Variants in GFOD1 observed in about 807,000 individuals in gnomAD.
GFOD1 encodes glucose-fructose oxidoreductase domain-containing protein 1.
GFOD1 carries 9 observed loss-of-function variants against 25.4 expected under a neutral mutation model. The observed-to-expected ratio is 0.35, with a 90% CI of 0.21 to 0.62. The LOEUF (loss-of-function observed/expected upper bound fraction) is 0.62, where lower values mean the gene tolerates loss of function less well. GFOD1 is among the 20% of genes least tolerant of loss of function. GFOD1 has a pLI of 0.72. For missense variants in GFOD1, 403 were observed against 556.9 expected, an observed-to-expected ratio of 0.72 and a Z score of 2.78; for synonymous variants, 253 against 245.6, an observed-to-expected ratio of 1.03 and a Z score of -0.28.
At chr6:13,377,686 C>T (rs934913125) in intron 1 of GFOD1, among the ~76,000 whole-genome samples, 2 of 152,168 alleles carry the variant, frequency 1.3e-5, no homozygotes, top group Non-Finnish European at 2.9e-5. Context: ...AGAAGTAACA[C>T]CAAGTGGCAA....
At chr6:13,378,236 C>A (rs997483138) in intron 1 of GFOD1, among the ~76,000 whole-genome samples, 16 of 152,160 alleles carry the variant, frequency 1.1e-4, no homozygotes, top group Admixed American at 6.5e-4. Flanking sequence ...GGTCCCAAAG[C>A]CCCGTGTTTT....
intron 1 of GFOD1, among the ~76,000 whole-genome samples, chr6:13,428,568 G>A (rs547872311): frequency 1.3e-5 from 2 of 152,236 alleles, no homozygotes; most frequent in East Asian, 3.9e-4. Context: ...ATTAAAGGCC[G>A]CTGCAAGAAC....
chr6:13,390,803 G>GGAAGGAAGGAAGGAAGGAA (rs1785585909), intron 1 of GFOD1, among the ~76,000 whole-genome samples: 1 of 150,900 alleles, frequency 6.6e-6, no homozygotes, highest in Non-Finnish European at 1.5e-5. Flanking sequence ...AAGGAAGGAA[G>GGAAGGAAGGAAGGAAGGAA]GAAGGAAGGA....
At chr6:13,464,311 A>G (rs1758342978) in intron 1 of GFOD1, among the ~76,000 whole-genome samples, 1 of 152,210 alleles carries the variant, frequency 6.6e-6, no homozygotes, top group Non-Finnish European at 1.5e-5. Flanking sequence ...TAAGGGCAGA[A>G]GGCAGTGGGC....
chr6:13,424,017 C>G (rs1199667569), intron 1 of GFOD1, among the ~76,000 whole-genome samples: 1 of 152,064 alleles, frequency 6.6e-6, no homozygotes, highest in Non-Finnish European at 1.5e-5. Context: ...TGCCATCATG[C>G]CTGGCTAATT....
chr6:13,374,268 T>TG (rs1246849966), intron 1 of GFOD1, among the ~76,000 whole-genome samples: 39,294 of 119,310 alleles, frequency 0.33, 6,409 homozygotes, highest in Admixed American at 0.46. Flanking sequence ...AAATATGTTT[T>TG]TTTTTTGTGT....
At chr6:13,396,599 G>C (rs1785738038) in intron 1 of GFOD1, among the ~76,000 whole-genome samples, 1 of 152,210 alleles carries the variant, frequency 6.6e-6, no homozygotes, top group African/African-American at 2.4e-5. Flanking sequence ...TAAGGATCAT[G>C]AACTGGGAGG....
intron 1 of GFOD1, among the ~76,000 whole-genome samples, chr6:13,402,163 C>T (rs1015482029): frequency 6.6e-6 from 1 of 152,300 alleles, no homozygotes; most frequent in South Asian, 2.1e-4. Flanking sequence ...GGAGGCCTAT[C>T]TCATGTCACA....
At chr6:13,420,176 G>A (rs547189349) in intron 1 of GFOD1, among the ~76,000 whole-genome samples, 1 of 152,320 alleles carries the variant, frequency 6.6e-6, no homozygotes, top group South Asian at 2.1e-4. Context: ...ACAGTTTCTC[G>A]TGGAAAACCC....
rs1284091445 is a variant in GFOD1 at position 13,363,039 on chromosome 6, T to C, written c.*1704A>G. ...CTACGTAGACTTATGAGGAATGGCT[T>C]CCACGTCCACACTTGACAAATGTCT... On this transcript the variant is annotated 3_prime_UTR_variant, in exon 2 of 2. Transcript: ENST00000379287. 1 of 152,254 alleles carries C rather than the reference T, an allele frequency of 6.6e-6. No individual in the cohort carries two copies. Among genetic ancestry groups the C allele is most frequent in the African/African-American group, 2.4e-5 (1 of 41,466 alleles). 9.4% of individuals were successfully genotyped at this position (152,254 alleles called of 1,614,324 possible).
At chr6:13,479,519 A>G (rs1224240930) in intron 1 of GFOD1, among the ~76,000 whole-genome samples, 5 of 152,224 alleles carry the variant, frequency 3.3e-5, no homozygotes. Context: ...AGTCAAATAT[A>G]TAACTAAGTG....
At chr6:13,382,168 T>C (rs1785379675) in intron 1 of GFOD1, among the ~76,000 whole-genome samples, 1 of 152,198 alleles carries the variant, frequency 6.6e-6, no homozygotes, top group African/African-American at 2.4e-5. Context: ...TATCTGTGCT[T>C]ATCTTGATTA....
chr6:13,364,796 C>T lies in GFOD1; in HGVS notation c.1120G>A (p.Ala374Thr), dbSNP rs1242143802. The T allele has an allele frequency of 3.1e-6, 5 of 1,613,764 alleles. No homozygotes were observed. Among genetic ancestry groups the T allele is most frequent in the Non-Finnish European group, 8.5e-7 (1 of 1,180,026 alleles). Residue 374 changes from alanine to threonine, a missense_variant, in exon 2 of 2, where the codon GCC becomes ACC. Ala to Thr is a moderately conservative substitution (Grantham distance 58). Transcript: ENST00000379287. The surrounding 1 kb of genome is among the most constrained non-coding windows in gnomAD (Gnocchi z 4.1). ...IMTEEPELSPAYLISEAMRRS... is the reference protein window; with the variant it reads ...IMTEEPELSPTYLISEAMRRS... Reference sequence around the variant, plus strand: ...CGCATGGCCTCGCTGATCAGGTAGGCGGGGCTCAGCTCCGGCTCCTCGGTC... The same window carrying T: ...CGCATGGCCTCGCTGATCAGGTAGGTGGGGCTCAGCTCCGGCTCCTCGGTC...
At chr6:13,456,732 C>T (rs1248148355) in intron 1 of GFOD1, among the ~76,000 whole-genome samples, 3 of 152,142 alleles carry the variant, frequency 2.0e-5, no homozygotes, top group Admixed American at 6.5e-5. Context: ...ATAGAGTGGG[C>T]GGCCTGCACG....
At chr6:13,475,667 G>A (rs1378369491) in intron 1 of GFOD1, among the ~76,000 whole-genome samples, 2 of 151,278 alleles carry the variant, frequency 1.3e-5, no homozygotes, top group African/African-American at 2.4e-5. Context: ...GGAGTAAGCC[G>A]AGATTACGCC....
At chr6:13,459,885 G>A (rs1758262858) in intron 1 of GFOD1, among the ~76,000 whole-genome samples, 1 of 152,216 alleles carries the variant, frequency 6.6e-6, no homozygotes, top group Non-Finnish European at 1.5e-5. Flanking sequence ...TGTAATCCCA[G>A]CACTTTGGGA....
intron 1 of GFOD1, among the ~76,000 whole-genome samples, chr6:13,419,909 C>T (rs1786224890): frequency 6.6e-6 from 1 of 152,228 alleles, no homozygotes; most frequent in Admixed American, 6.5e-5. Flanking sequence ...TTTGCTCACC[C>T]CTCGCCCCTA....
At chr6:13,406,106 T>G (rs1785939830) in intron 1 of GFOD1, among the ~76,000 whole-genome samples, 1 of 152,206 alleles carries the variant, frequency 6.6e-6, no homozygotes, top group Non-Finnish European at 1.5e-5. Context: ...TGGGTCCTTT[T>G]GGCAGGAGGT....
At chr6:13,468,849 GA>G (rs1207762610) in intron 1 of GFOD1, among the ~76,000 whole-genome samples, 1 of 151,830 alleles carries the variant, frequency 6.6e-6, no homozygotes, top group Non-Finnish European at 1.5e-5. Context: ...AGCTGCTTGG[GA>G]AAATGACTTA....
Sources: gnomAD v4.1 joint callset for allele counts (sites outside exome capture counted in the v4.1 genomes callset) on GRCh38, gnomAD v4.1.1 for gene constraint, Gnocchi (gnomAD v3.1) non-coding constraint, MANE v1.5 for transcripts, NCBI Gene and HGNC (gene_info 2026-07-23, HGNC 2026-07-21) for gene names.